Variants in CCDC60 observed in about 807,000 individuals in gnomAD.
CCDC60 encodes coiled-coil domain-containing protein 60.
A neutral mutation model predicts 63.5 loss-of-function variants in CCDC60; 54 were observed. The observed-to-expected ratio is 0.85, with a 90% CI of 0.68 to 1.07. CCDC60 has a LOEUF of 1.07. CCDC60 is among the 50% of genes least tolerant of loss of function. The pLI, the probability that CCDC60 is intolerant of heterozygous loss-of-function variation, is 0.00. For missense variants in CCDC60, 651 were observed against 684.3 expected (o/e 0.95, Z 0.54); for synonymous variants, 206 against 238.8 (o/e 0.86, Z 1.27).
chr12:119,486,516 A>G (rs1441362426), intron 4 of CCDC60, among the ~76,000 whole-genome samples: 1 of 152,204 alleles, frequency 6.6e-6, no homozygotes. Context: ...TCTTAAACAA[A>G]TGTTTTATTT....
intron 4 of CCDC60, among the ~76,000 whole-genome samples, chr12:119,486,067 C>T (rs1055225643): frequency 6.6e-6 from 1 of 152,200 alleles, no homozygotes; most frequent in African/African-American, 2.4e-5. Context: ...CGGCCTCTCA[C>T]AACCTCCTAG....
At chr12:119,398,027 AGGGAGGAAGGGGCAGCGGGGG>A (rs1489048322) in intron 1 of CCDC60, among the ~76,000 whole-genome samples, 1 of 20,182 alleles carries the variant, frequency 5.0e-5, no homozygotes, top group African/African-American at 2.7e-4. Flanking sequence ...GGGCGGCGGG[AGGGAGGAAGGGGCAGCGGGGG>A]GGGAGGAAGG....
rs1158802026 is a variant in CCDC60, at chr12:119,405,896, G to T, written c.91-22787G>T. Among the ~76,000 whole-genome samples the T allele has an allele frequency of 5.3e-5, 8 of 152,186 alleles. 1 individual carries two copies. ...AATTAAAAAATATAGATGAGGCTGG[G>T]TGTGGTGGCTCACGCCTGTAATCCC... On this transcript the variant is annotated intron_variant, in intron 1 of 13. Coordinates refer to ENST00000327554, the MANE Select transcript of CCDC60 (RefSeq NM_178499.5).
chr12:119,455,987 A>G lies in CCDC60; in HGVS notation c.171-16007A>G, dbSNP rs1200733462. Among the ~76,000 whole-genome samples, 11 of 67,244 alleles carry G rather than the reference A, an allele frequency of 1.6e-4. 1 individual carries two copies. The highest frequency in any genetic ancestry group is 5.3e-4 in the African/African-American group (7 of 13,290). The allele number at this position is 67,244 out of a possible 152,430, so 44.1% of individuals were successfully genotyped here. ...GAGGGGAGGGAGGGAGGGAGAGAGAAAGAGAGAGAGAAAGAGAAAGAAAGA... is the reference window on the plus strand; with the variant it reads ...GAGGGGAGGGAGGGAGGGAGAGAGAGAGAGAGAGAGAAAGAGAAAGAAAGA... On this transcript the variant is annotated intron_variant, in intron 2 of 13. Coordinates refer to ENST00000327554, the MANE Select transcript of CCDC60 (RefSeq NM_178499.5).
intron 1 of CCDC60, among the ~76,000 whole-genome samples, chr12:119,381,951 G>A (rs966176717): frequency 6.6e-6 from 1 of 152,230 alleles, no homozygotes; most frequent in African/African-American, 2.4e-5. Flanking sequence ...TGTGCAGTAA[G>A]TGAGCACAAA....
At chr12:119,538,079 C>T (rs10431368) in intron 13 of CCDC60, among the ~76,000 whole-genome samples, 1 of 152,218 alleles carries the variant, frequency 6.6e-6, no homozygotes. Flanking sequence ...CCACCCAGTT[C>T]GAGCTTCCAC....
At chr12:119,442,150 T>G (rs1950459170) in intron 2 of CCDC60, among the ~76,000 whole-genome samples, 1 of 152,202 alleles carries the variant, frequency 6.6e-6, no homozygotes, top group African/African-American at 2.4e-5. Context: ...TGGATCCACG[T>G]GTATTTTTTA....
Position 119,390,628 on chromosome 12 carries a change from A to C in CCDC60, c.91-38055A>C, listed in dbSNP as rs990464109. On this transcript the variant is annotated intron_variant, in intron 1 of 13. Transcript: ENST00000327554. ...GATGAGTTCTTTGATGACCAGAGGA[A>C]GCTCTCTGCTTTTCAAATTCTAATC... Among the ~76,000 whole-genome samples, 12 of 152,306 alleles carry C rather than the reference A, an allele frequency of 7.9e-5. No homozygotes were observed. In the East Asian group the frequency reaches 2.3e-3, roughly 29 times the overall value.
chr12:119,471,377 C>T (rs1482663896), intron 2 of CCDC60, among the ~76,000 whole-genome samples: 3 of 152,148 alleles, frequency 2.0e-5, no homozygotes, highest in Non-Finnish European at 4.4e-5. Flanking sequence ...GAGCCTAGGC[C>T]CTTTAGTGCC....
intron 13 of CCDC60, among the ~76,000 whole-genome samples, chr12:119,532,394 A>AACT (rs1231744220): frequency 1.9e-4 from 19 of 98,428 alleles, no homozygotes; most frequent in African/African-American, 5.8e-4. Flanking sequence ...AACATCACAG[A>AACT]ACTATTATTA....
In CCDC60 at chr12:119,456,017, AAGAAAG is replaced by A. The variant is rs1566019403; in HGVS notation, c.171-15975_171-15970del. ...AGAGAGAAAGAGAAAGAAAGAAAGA[AAGAAAG>A]AAAGAAAGAAAGAAAGAAAGAAAGA... On this transcript the variant is annotated intron_variant, in intron 2 of 13. Transcript: ENST00000327554. This position sits in a 1 kb window ranked among gnomAD's most constrained non-coding sequence, Gnocchi z 4.6. Among the ~76,000 whole-genome samples, 5 of 110,682 alleles carry A rather than the reference AAGAAAG, an allele frequency of 4.5e-5. No homozygotes were observed. Among genetic ancestry groups the A allele is most frequent in the African/African-American group, 1.5e-4 (4 of 25,960 alleles). The allele number at this position is 110,682 out of a possible 152,430, so 72.6% of individuals were successfully genotyped here. A position where few individuals can be genotyped will look rare whatever the true frequency, so the allele number is the denominator to read the frequency against.
intron 12 of CCDC60, among the ~76,000 whole-genome samples, chr12:119,529,193 A>G (rs1330041859): frequency 6.6e-6 from 1 of 152,178 alleles, no homozygotes; most frequent in African/African-American, 2.4e-5. Context: ...AAGGGTGATG[A>G]TAAGTAACAA....
intron 5 of CCDC60, among the ~76,000 whole-genome samples, chr12:119,499,632 T>G (rs1042389689): frequency 1.3e-5 from 2 of 152,126 alleles, no homozygotes; most frequent in African/African-American, 4.8e-5. Flanking sequence ...TCCACCCCCA[T>G]CAGCCCCACC....
chr12:119,454,082 G>A (rs1458451765), intron 2 of CCDC60, among the ~76,000 whole-genome samples: 1 of 152,146 alleles, frequency 6.6e-6, no homozygotes, highest in Admixed American at 6.5e-5. Context: ...ACATCTCAAC[G>A]AGGTAAGATG....
chr12:119,514,389 T>C (rs1367884006), intron 7 of CCDC60, among the ~76,000 whole-genome samples: 1 of 150,298 alleles, frequency 6.7e-6, no homozygotes, highest in African/African-American at 2.4e-5. Context: ...GATTTCACCA[T>C]GTTAGCCAGG....
At chr12:119,481,354 T>C (rs958699760) in intron 4 of CCDC60, among the ~76,000 whole-genome samples, 2 of 152,140 alleles carry the variant, frequency 1.3e-5, no homozygotes, top group African/African-American at 4.8e-5. Flanking sequence ...CTGAAACCAA[T>C]TGGAATAGAA....
chr12:119,523,019 T>A lies in CCDC60; in HGVS notation c.1103+18T>A. 6.2e-7 allele frequency: 1 copy of A among 1,611,548 alleles called. No homozygotes were observed. The highest frequency in any genetic ancestry group is 8.5e-7 in the Non-Finnish European group (1 of 1,177,674). On this transcript the variant is annotated intron_variant, in intron 10 of 13. Transcript: ENST00000327554. Reference sequence around the variant, plus strand: ...TCTAAAAAGTAAGCCAGGAGGGCAATGGAAGGAACCACGCAAGAGGGAATA... The same window carrying A: ...TCTAAAAAGTAAGCCAGGAGGGCAAAGGAAGGAACCACGCAAGAGGGAATA...
At position 119,528,657 on chromosome 12, in the gene CCDC60, C is replaced by T; in HGVS notation, c.1272C>T (p.Val424=). 1 of 1,613,994 alleles carries T rather than the reference C, an allele frequency of 6.2e-7. No homozygotes were observed. Among genetic ancestry groups the T allele is most frequent in the South Asian group, 1.1e-5 (1 of 91,060 alleles). Residue 424 remains valine (V), a synonymous_variant, in exon 12 of 14, where the codon GTC becomes GTT. Transcript: ENST00000327554. The part of the protein sequence containing the change: ...ERGIQKFRAF[V]LVSNFQKDIA... The stretch of plus-strand genomic sequence containing the variant: ...GTATCCAGAAGTTCCGTGCTTTTGT[C>T]CTTGTCTCAAATTTTCAAAAGGACA...
chr12:119,415,564 A>G (rs1349318077), intron 1 of CCDC60, among the ~76,000 whole-genome samples: 2 of 152,216 alleles, frequency 1.3e-5, no homozygotes, highest in Non-Finnish European at 2.9e-5. Context: ...AGCTATGTGG[A>G]CAATGGACAA....
Sources: gnomAD v4.1 joint callset for allele counts (sites outside exome capture counted in the v4.1 genomes callset) on GRCh38, gnomAD v4.1.1 for gene constraint, Gnocchi (gnomAD v3.1) non-coding constraint, MANE v1.5 for transcripts, NCBI Gene and HGNC (gene_info 2026-07-23, HGNC 2026-07-21) for gene names.